Variants in CUBN observed in about 807,000 individuals in gnomAD.
CUBN encodes 460 kDa receptor.
Under a neutral mutation model 405.3 loss-of-function variants are expected in CUBN, and 282 were observed. The ratio of observed to expected loss-of-function variants is 0.70; its 90% CI spans 0.63 to 0.77. The LOEUF (loss-of-function observed/expected upper bound fraction) is 0.77. Ranked by LOEUF, CUBN falls within the 30% of genes least tolerant of loss-of-function variation. CUBN has a pLI of 0.00. For missense variants in CUBN, 4,514 were observed against 4,475.2 expected, an observed-to-expected ratio of 1.01 and a Z score of -0.25; for synonymous variants, 1,684 against 1,617.0, an observed-to-expected ratio of 1.04 and a Z score of -0.99.
chr10:16,873,451 G>A (rs942339472), intron 58 of CUBN, among the ~76,000 whole-genome samples: 1 of 152,128 alleles, frequency 6.6e-6, no homozygotes, highest in Middle Eastern at 3.2e-3. Context: ...GCTGGGTGCG[G>A]TGGCTCATGC....
chr10:16,899,795 G>T (rs946093709), intron 53 of CUBN, among the ~76,000 whole-genome samples: 1 of 152,176 alleles, frequency 6.6e-6, no homozygotes, highest in Non-Finnish European at 1.5e-5. Flanking sequence ...GGAAATCAGG[G>T]ATTCACCTAA....
chr10:16,877,360 G>A (rs920719477), intron 56 of CUBN, among the ~76,000 whole-genome samples: 3 of 152,114 alleles, frequency 2.0e-5, no homozygotes, highest in Non-Finnish European at 2.9e-5. Flanking sequence ...TTTAGATAAC[G>A]GTTCCTTTAA....
intron 10 of CUBN, among the ~76,000 whole-genome samples, chr10:17,108,875 C>A (rs1836701434): frequency 6.6e-6 from 1 of 151,856 alleles, no homozygotes; most frequent in Non-Finnish European, 1.5e-5. Flanking sequence ...GAAACTTTAC[C>A]AATCAGTAAG....
intron 65 of CUBN, among the ~76,000 whole-genome samples, chr10:16,829,985 G>C (rs943764566): frequency 6.6e-6 from 1 of 151,800 alleles, no homozygotes; most frequent in Non-Finnish European, 1.5e-5. Flanking sequence ...ACCCAGGCTG[G>C]AGTGCAGTGG....
At chr10:16,942,810 G>GGA (rs1304965256) in intron 36 of CUBN, among the ~76,000 whole-genome samples, 1 of 109,114 alleles carries the variant, frequency 9.2e-6, no homozygotes, top group African/African-American at 4.0e-5. Flanking sequence ...AAGGGAAAAG[G>GGA]AAGGGAAGGG....
intron 4 of CUBN, 38 bp from the exon 5 acceptor site, chr10:17,123,727 A>C (rs1469983595): frequency 1.4e-6 from 2 of 1,444,832 alleles, no homozygotes; most frequent in Non-Finnish European, 1.9e-6. Flanking sequence ...GATGACTTGC[A>C]GTCAGCAGCA....
At chr10:16,888,716 C>T (rs934374423) in intron 55 of CUBN, 150 bp from the exon 56 acceptor site, 2 of 721,000 alleles carry the variant, frequency 2.8e-6, no homozygotes, top group East Asian at 2.6e-5. Context: ...GAGAATAAAG[C>T]TCTGATTTAA....
intron 62 of CUBN, among the ~76,000 whole-genome samples, chr10:16,839,841 A>C (rs1286003729): frequency 6.6e-6 from 1 of 152,086 alleles, no homozygotes. Flanking sequence ...GATAGACCGG[A>C]TTAAGAAAAT....
In CUBN at chr10:16,990,409, G is replaced by C. The variant is rs748270956; in HGVS notation, c.4275C>G (p.Pro1425=). ...KECIWYIRTD[P]GSSIQLTIHD... Reference sequence around the variant, plus strand: ...GGATGGTGAGCTGAATGCTACTCCCGGGGTCCGTCCTAATGTACCAGATAC... The same window carrying C: ...GGATGGTGAGCTGAATGCTACTCCCCGGGTCCGTCCTAATGTACCAGATAC... The change falls in exon 29 of 67, where the codon CCC becomes CCG. Residue 1425 remains proline (P), a synonymous_variant. Transcript: ENST00000377833. 2 of 1,614,068 alleles carry C rather than the reference G, an allele frequency of 1.2e-6. No homozygotes were observed. The highest frequency in any genetic ancestry group is 1.1e-5 in the South Asian group (1 of 91,078).
At chr10:17,043,202 C>T (rs777940030) in intron 26 of CUBN, among the ~76,000 whole-genome samples, 10 of 152,090 alleles carry the variant, frequency 6.6e-5, no homozygotes, top group Non-Finnish European at 1.3e-4. Context: ...AGAACAAACC[C>T]CAGGCCCCTT....
rs576213541 is a variant in CUBN, at chr10:17,121,387, T to C, written c.593+1408A>G. 5.8e-4 allele frequency among the ~76,000 whole-genome samples: 89 copies of C among 152,144 alleles called. 1 individual carries two copies. In the South Asian group the frequency reaches 0.01, roughly 18 times the overall value. ...GCCATAAAAAAATGATGAGTTCATG[T>C]CCTTTGTAGGGACATGGATGAAGCT... On this transcript the variant is annotated intron_variant, in intron 6 of 66. Coordinates refer to ENST00000377833, the MANE Select transcript of CUBN (RefSeq NM_001081.4).
intron 10 of CUBN, among the ~76,000 whole-genome samples, chr10:17,107,042 G>A (rs1177700757): frequency 6.6e-6 from 1 of 152,154 alleles, no homozygotes; most frequent in Non-Finnish European, 1.5e-5. Flanking sequence ...ATCGAATTAG[G>A]TTAGGAAGGA....
chr10:17,084,253 T>C lies in CUBN; in HGVS notation c.2301+18A>G, dbSNP rs202001092. ...GTTGATGAATGTCATCTAAGGGCGA[T>C]TGAGTAGTGAAAGTTACCTCAATGT... On this transcript the variant is annotated intron_variant, in intron 17 of 66. Transcript: ENST00000377833. 251 of 1,612,564 alleles carry C rather than the reference T, an allele frequency of 1.6e-4. No homozygotes were observed. The African/African-American group carries it at 1.9e-3, about 12-fold the overall frequency.
At chr10:16,861,261 A>T (rs1840004620) in intron 59 of CUBN, among the ~76,000 whole-genome samples, 1 of 151,762 alleles carries the variant, frequency 6.6e-6, no homozygotes, top group South Asian at 2.1e-4. Context: ...TCCCAGGTTC[A>T]AGGGATTCTC....
At chr10:16,877,657 G>A (rs770924254) in intron 56 of CUBN, among the ~76,000 whole-genome samples, 19 of 152,112 alleles carry the variant, frequency 1.2e-4, no homozygotes, top group Non-Finnish European at 2.2e-4. Context: ...AATGTTTATT[G>A]AACAACCATT....
At chr10:16,925,462 A>G (rs1481386805) in intron 42 of CUBN, 38 bp from the exon 43 acceptor site, 8 of 1,605,522 alleles carry the variant, frequency 5.0e-6, no homozygotes, top group Admixed American at 3.3e-5. Flanking sequence ...ACTCCTTTAC[A>G]TTGCAAAAGA....
At chr10:17,034,442 G>GCCTA (rs1834851203) in intron 27 of CUBN, among the ~76,000 whole-genome samples, 1 of 152,176 alleles carries the variant, frequency 6.6e-6, no homozygotes, top group East Asian at 1.9e-4. Context: ...TTAACAAGAT[G>GCCTA]CCTATTAAGA....
At chr10:16,920,687 C>A (rs371667348) in intron 43 of CUBN, among the ~76,000 whole-genome samples, 1 of 152,094 alleles carries the variant, frequency 6.6e-6, no homozygotes, top group South Asian at 2.1e-4. Context: ...GATAAAGGAG[C>A]TTTTTAATAT....
At chr10:16,922,567 G>T (rs1842065635) in intron 43 of CUBN, among the ~76,000 whole-genome samples, 1 of 152,096 alleles carries the variant, frequency 6.6e-6, no homozygotes, top group Non-Finnish European at 1.5e-5. Flanking sequence ...AACTAACTGA[G>T]GGTGGCATCC....
Sources: gnomAD v4.1 joint callset for allele counts (sites outside exome capture counted in the v4.1 genomes callset) on GRCh38, gnomAD v4.1.1 for gene constraint, MANE v1.5 for transcripts, NCBI Gene and HGNC (gene_info 2026-07-23, HGNC 2026-07-21) for gene names.